GTF2A1L: variants seen among roughly 807,000 people sequenced by gnomAD.
GTF2A1L encodes general transcription factor IIA subunit 1 like, also known as TFIIA-alpha and beta-like factor.
A neutral mutation model predicts 49.7 loss-of-function variants in GTF2A1L; 48 were observed. The ratio of observed to expected loss-of-function variants is 0.97; its 90% CI spans 0.77 to 1.23. The LOEUF is 1.23. Among genes scored for constraint, GTF2A1L ranks in the 50% most tolerant of loss-of-function variants. The probability of loss-of-function intolerance (pLI) is 0.00; values close to 1 mark genes in which losing one functional copy is unlikely to be tolerated. For synonymous variants in GTF2A1L, 246 were observed against 193.5 expected (o/e 1.27, Z -2.25); for missense variants, 736 against 564.8 (o/e 1.30, Z -3.07).
chr2:48,634,548 G>T (rs943538995), intron 3 of GTF2A1L, among the ~76,000 whole-genome samples: 1 of 152,264 alleles, frequency 6.6e-6, no homozygotes, highest in African/African-American at 2.4e-5. Flanking sequence ...TTTTGTTTCC[G>T]TGATTAGAAC....
At chr2:48,641,760 A>G (rs1172794530) in intron 3 of GTF2A1L, among the ~76,000 whole-genome samples, 5 of 152,204 alleles carry the variant, frequency 3.3e-5, no homozygotes, top group Non-Finnish European at 5.9e-5. Flanking sequence ...GCTGGTTAGC[A>G]TAGAAAACTG....
chr2:48,642,567 A>C (rs1441427108), intron 4 of GTF2A1L, 110 bp downstream of exon 4: 1 of 1,114,036 alleles, frequency 9.0e-7, no homozygotes, highest in African/African-American at 1.6e-5. Context: ...GAAAGTGAAA[A>C]GATGTGGCCG....
chr2:48,617,858 G>A lies in GTF2A1L; in HGVS notation c.-17G>A. 1 of 1,551,798 alleles carries A rather than the reference G, an allele frequency of 6.4e-7. No homozygotes were observed. Among genetic ancestry groups the A allele is most frequent in the East Asian group, 2.4e-5 (1 of 40,914 alleles). ...GTGCCGCGCAGGCGCAAAGGGCCAGGTGCTGGAGGTGCTGTCATGGCCTGC... is the reference window on the plus strand; with the variant it reads ...GTGCCGCGCAGGCGCAAAGGGCCAGATGCTGGAGGTGCTGTCATGGCCTGC... On this transcript the variant is annotated 5_prime_UTR_variant, in exon 1 of 9. In the 5' UTR this introduces an upstream ATG that the reference lacks. Coordinates refer to ENST00000403751, the MANE Select transcript of GTF2A1L (RefSeq NM_006872.5).
Position 48,658,303 on chromosome 2 carries a change from T to G in GTF2A1L, c.978+11261T>G, listed in dbSNP as rs191372426. Among the ~76,000 whole-genome samples the G allele has an allele frequency of 1.8e-4, 28 of 152,332 alleles. No homozygotes were observed. The East Asian group carries it at 3.7e-3, about 20-fold the overall frequency. Reference sequence around the variant, plus strand: ...ATATGGTGAAAGGTAGGAGTCCAGTTTCATTCTTCTGCATATGGCTAGCCA... The same window carrying G: ...ATATGGTGAAAGGTAGGAGTCCAGTGTCATTCTTCTGCATATGGCTAGCCA... On this transcript the variant is annotated intron_variant, in intron 6 of 8. Coordinates refer to ENST00000403751, the MANE Select transcript of GTF2A1L (RefSeq NM_006872.5).
chr2:48,635,017 C>T (rs1404098932), intron 3 of GTF2A1L, among the ~76,000 whole-genome samples: 1 of 152,182 alleles, frequency 6.6e-6, no homozygotes, highest in Non-Finnish European at 1.5e-5. Context: ...ACCTCCTTGG[C>T]CCCAAGTTCT....
chr2:48,632,405 A>T lies in GTF2A1L; in HGVS notation c.248-9997A>T, dbSNP rs1411572911. On this transcript the variant is annotated intron_variant, in intron 3 of 8. Coordinates refer to ENST00000403751, the MANE Select transcript of GTF2A1L (RefSeq NM_006872.5). Reference sequence around the variant, plus strand: ...ACAAGTTTTTTGTTTTTTTTTTTTGACAGAGTCTTACTCTGTCACTAGGCT... The same window carrying T: ...ACAAGTTTTTTGTTTTTTTTTTTTGTCAGAGTCTTACTCTGTCACTAGGCT... 9 of 147,916 alleles carry T rather than the reference A, an allele frequency of 6.1e-5. No homozygotes were observed. The East Asian group carries it at 1.2e-3, about 20-fold the overall frequency. The allele number at this position is 147,916 out of a possible 1,614,324, so 9.2% of individuals were successfully genotyped here.
intron 1 of GTF2A1L, 31 bp downstream of exon 1, chr2:48,617,926 G>A: frequency 6.4e-7 from 1 of 1,550,840 alleles, no homozygotes; most frequent in Non-Finnish European, 8.7e-7. Context: ...TGTGTAGAGG[G>A]AGCGCCCTGG....
chr2:48,675,110 C>G (rs1416643134), intron 8 of GTF2A1L, among the ~76,000 whole-genome samples: 1 of 151,972 alleles, frequency 6.6e-6, no homozygotes, highest in East Asian at 1.9e-4. Context: ...TGAATGTAAC[C>G]CAACTCAAGT....
At chr2:48,667,873 A>AT (rs1363587015) in intron 6 of GTF2A1L, among the ~76,000 whole-genome samples, 1 of 152,200 alleles carries the variant, frequency 6.6e-6, no homozygotes, top group African/African-American at 2.4e-5. Context: ...TGAGATGTGT[A>AT]TTATTGTATT....
At chr2:48,654,128 T>A (rs1306130583) in intron 6 of GTF2A1L, among the ~76,000 whole-genome samples, 1 of 152,146 alleles carries the variant, frequency 6.6e-6, no homozygotes, top group South Asian at 2.1e-4. Context: ...ATAAGATTTG[T>A]TGTTGGTACA....
chr2:48,669,885 T>G lies in GTF2A1L; in HGVS notation c.1142T>G (p.Leu381Arg). ...CTAGGGAATATTGACGGGGGAGATC[T>G]GAAGGTACCTGAAGAAGAAGCTGAC... is the stretch of plus-strand genomic sequence containing the variant. The part of the protein sequence containing the change: ...EFLGNIDGGD[L>R]KVPEEEADSI... Residue 381 changes from leucine (L) to arginine (R), a missense_variant, in exon 7 of 9, where the codon CTG (leucine) becomes CGG (arginine). By Grantham distance (102) the Leu-to-Arg change is moderately radical. Coordinates refer to ENST00000403751, the MANE Select transcript of GTF2A1L (RefSeq NM_006872.5). 1 of 1,614,062 alleles carries G rather than the reference T, an allele frequency of 6.2e-7. No homozygotes were observed. Among genetic ancestry groups the G allele is most frequent in the Non-Finnish European group, 8.5e-7 (1 of 1,180,016 alleles).
rs1257577221 is a variant in GTF2A1L at position 48,621,116 on chromosome 2, T to A, written c.124-51T>A. 11 of 1,571,512 alleles carry A rather than the reference T, an allele frequency of 7.0e-6. No homozygotes were observed. In the Admixed American group the frequency reaches 2.1e-4, roughly 30 times the overall value. On this transcript the variant is annotated intron_variant, in intron 2 of 8. Transcript: ENST00000403751. ...GAAACTGAAAAAAAGAGAAGTATCATTATATGTGTATATATTTTTTTAAAG... is the reference window on the plus strand; with the variant it reads ...GAAACTGAAAAAAAGAGAAGTATCAATATATGTGTATATATTTTTTTAAAG...
At chr2:48,635,407 A>G (rs1038715043) in intron 3 of GTF2A1L, among the ~76,000 whole-genome samples, 22 of 152,068 alleles carry the variant, frequency 1.4e-4, no homozygotes, top group African/African-American at 5.3e-4. Context: ...TGGTCACGCA[A>G]GCAGGTGCCC....
intron 1 of GTF2A1L, among the ~76,000 whole-genome samples, chr2:48,618,980 C>T (rs1675819467): frequency 6.6e-6 from 1 of 152,184 alleles, no homozygotes; most frequent in Admixed American, 6.5e-5. Flanking sequence ...ATCACACTAG[C>T]TGGGACTACC....
At position 48,620,950 on chromosome 2, in the gene GTF2A1L, C is replaced by T; in HGVS notation, c.121C>T (p.Gln41Ter). Residue 41 changes from glutamine (Q) to a stop codon, truncating the protein, a stop_gained and splice_region_variant, in exon 2 of 9, where the codon CAG (glutamine) becomes TAG (stop). Coordinates refer to ENST00000403751, the MANE Select transcript of GTF2A1L (RefSeq NM_006872.5). LOFTEE classifies it high-confidence loss of function. ...IEEQVLKDLK[Q>*]LWETKVLQSK... ...GGAACAAGTTTTAAAAGACTTGAAG[C>T]AGGTTTGTAGCCGATACAACTTTTT... The T allele has an allele frequency of 6.3e-7, 1 of 1,595,850 alleles. No individual in the cohort carries two copies. Among genetic ancestry groups the T allele is most frequent in the Non-Finnish European group, 8.5e-7 (1 of 1,174,438 alleles).
chr2:48,676,258 A>G (rs548691252), intron 8 of GTF2A1L, among the ~76,000 whole-genome samples: 42 of 151,986 alleles, frequency 2.8e-4, no homozygotes, highest in South Asian at 8.3e-4. Context: ...CATTTAACCA[A>G]TCCTCTACTG....
At chr2:48,674,573 A>T (rs1432448318) in intron 8 of GTF2A1L, among the ~76,000 whole-genome samples, 1 of 152,182 alleles carries the variant, frequency 6.6e-6, no homozygotes, top group African/African-American at 2.4e-5. Context: ...GAAAAGGAAC[A>T]GTTCTTAGTT....
At chr2:48,646,344 T>C in intron 5 of GTF2A1L, 109 bp from the exon 6 acceptor site, 3 of 958,366 alleles carry the variant, frequency 3.1e-6, no homozygotes, top group Non-Finnish European at 4.5e-6. Context: ...AACATATTGG[T>C]GTATTTTTTT....
At chr2:48,663,629 A>G (rs936048915) in intron 6 of GTF2A1L, among the ~76,000 whole-genome samples, 4 of 152,204 alleles carry the variant, frequency 2.6e-5, no homozygotes, top group African/African-American at 9.6e-5. Context: ...TATAATAAAC[A>G]TTTAAAAATT....
Sources: gnomAD v4.1 joint callset for allele counts (sites outside exome capture counted in the v4.1 genomes callset) on GRCh38, gnomAD v4.1.1 for gene constraint, MANE v1.5 for transcripts, NCBI Gene and HGNC (gene_info 2026-07-23, HGNC 2026-07-21) for gene names.